COL19A1: variants seen among roughly 807,000 people sequenced by gnomAD.
COL19A1 encodes the protein collagen alpha-1(XIX) chain.
A neutral mutation model predicts 190.2 loss-of-function variants in COL19A1; 159 were observed. The observed-to-expected ratio is 0.84, with a 90% confidence interval of 0.73 to 0.95. The LOEUF is 0.95. Among genes scored for constraint, COL19A1 ranks in the 40% least tolerant of loss-of-function variants. The pLI is 0.00. For missense variants in COL19A1, 1,418 were observed against 1,431.9 expected (o/e 0.99, Z 0.16); for synonymous variants, 509 against 458.9 (o/e 1.11, Z -1.39).
intron 11 of COL19A1, among the ~76,000 whole-genome samples, chr6:70,009,809 C>T (rs915464488): frequency 1.5e-5 from 2 of 137,888 alleles, no homozygotes; most frequent in Non-Finnish European, 3.0e-5. Context: ...TGGCTTTCAA[C>T]AGGGGTACAA....
intron 14 of COL19A1, among the ~76,000 whole-genome samples, chr6:70,048,449 C>T (rs1007633661): frequency 1.3e-5 from 2 of 152,028 alleles, no homozygotes; most frequent in African/African-American, 4.8e-5. Flanking sequence ...CTGTGTTAAG[C>T]CCTGCAGACA....
chr6:70,184,851 T>C lies in COL19A1; in HGVS notation c.2812-20T>C. 6.2e-7 allele frequency: 1 copy of C among 1,612,344 alleles called. No individual in the cohort carries two copies. The highest frequency in any genetic ancestry group is 8.5e-7 in the Non-Finnish European group (1 of 1,179,296). ...AAATCTTGGCAAGGAGTGATTTTCA[T>C]GTTGACATCTGTTTTTCAGGGCATC... On this transcript the variant is annotated intron_variant, in intron 45 of 50. Coordinates refer to ENST00000620364, the MANE Select transcript of COL19A1 (RefSeq NM_001858.6).
At chr6:70,064,768 G>A (rs1468694155) in intron 14 of COL19A1, among the ~76,000 whole-genome samples, 6 of 152,078 alleles carry the variant, frequency 3.9e-5, no homozygotes, top group African/African-American at 1.4e-4. Context: ...CAAAGTCTCA[G>A]GATACAAAAT....
chr6:70,031,726 AT>A (rs1779085458), intron 12 of COL19A1, among the ~76,000 whole-genome samples: 1 of 152,122 alleles, frequency 6.6e-6, no homozygotes, highest in Non-Finnish European at 1.5e-5. Context: ...ACACAGAATG[AT>A]TCCATATCTT....
At chr6:69,884,625 G>A (rs1450138266) in intron 2 of COL19A1, among the ~76,000 whole-genome samples, 1 of 152,062 alleles carries the variant, frequency 6.6e-6, no homozygotes, top group Non-Finnish European at 1.5e-5. Flanking sequence ...CAATACAGAG[G>A]GGGAAAAGTT....
At chr6:69,907,536 A>T (rs907745461) in intron 4 of COL19A1, among the ~76,000 whole-genome samples, 11 of 152,198 alleles carry the variant, frequency 7.2e-5, no homozygotes, top group African/African-American at 2.4e-4. Context: ...TTACTTGTTC[A>T]TATTTAGGGA....
intron 15 of COL19A1, among the ~76,000 whole-genome samples, chr6:70,099,720 A>T (rs953453892): frequency 1.3e-5 from 2 of 152,196 alleles, no homozygotes; most frequent in Non-Finnish European, 2.9e-5. Context: ...TCAAGCCTAG[A>T]AACTACATTT....
At chr6:69,910,168 A>T (rs1169556799) in intron 4 of COL19A1, among the ~76,000 whole-genome samples, 3 of 152,174 alleles carry the variant, frequency 2.0e-5, no homozygotes, top group African/African-American at 7.2e-5. Flanking sequence ...TTCTTGTACT[A>T]GATCTTTTCA....
intron 11 of COL19A1, among the ~76,000 whole-genome samples, chr6:69,989,553 C>CTTTTTTT (rs3072698): frequency 0.052 from 6,500 of 125,956 alleles, 768 homozygotes; most frequent in African/African-American, 0.19. Context: ...GAGTTTTTTA[C>CTTTTTTT]TTTTTTTTTT....
intron 49 of COL19A1, among the ~76,000 whole-genome samples, chr6:70,205,782 C>T (rs763783357): frequency 6.6e-6 from 1 of 152,166 alleles, no homozygotes; most frequent in Non-Finnish European, 1.5e-5. Flanking sequence ...TCTTGTAGCT[C>T]AGCCAATAGC....
At chr6:69,913,892 C>T (rs975162798) in intron 4 of COL19A1, among the ~76,000 whole-genome samples, 56 of 151,792 alleles carry the variant, frequency 3.7e-4, no homozygotes, top group Non-Finnish European at 2.1e-4. Context: ...GTTGAGCTCT[C>T]GGACCCAAGG....
intron 11 of COL19A1, among the ~76,000 whole-genome samples, chr6:69,971,445 A>C (rs1356414168): frequency 2.6e-5 from 4 of 152,150 alleles, no homozygotes; most frequent in African/African-American, 9.7e-5. Context: ...AAAAACCCTC[A>C]CGAGAACTAG....
At chr6:69,930,659 A>G (rs1772698762) in intron 6 of COL19A1, among the ~76,000 whole-genome samples, 1 of 152,112 alleles carries the variant, frequency 6.6e-6, no homozygotes, top group East Asian at 1.9e-4. Context: ...TCTACTAAAA[A>G]TACAAAAAAT....
rs576016784 is a variant in COL19A1, at chr6:69,884,753, G to A, written c.91+5095G>A. Among the ~76,000 whole-genome samples, 109 of 152,208 alleles carry A rather than the reference G, an allele frequency of 7.2e-4. 1 individual carries two copies. The highest frequency in any genetic ancestry group is 2.5e-3 in the African/African-American group (105 of 41,538). The stretch of plus-strand genomic sequence containing the variant: ...CTCAGGATTCTAATTTTTGGAAGGA[G>A]AAGGGGTAAACATCTTTTTTAAAGT... On this transcript the variant is annotated intron_variant, in intron 2 of 50. Coordinates refer to ENST00000620364, the MANE Select transcript of COL19A1 (RefSeq NM_001858.6).
intron 14 of COL19A1, among the ~76,000 whole-genome samples, chr6:70,044,663 A>G (rs1779812637): frequency 6.6e-6 from 1 of 152,212 alleles, no homozygotes; most frequent in Non-Finnish European, 1.5e-5. Context: ...TCAGTGGAGC[A>G]GTCAGAACAT....
chr6:69,983,215 C>A (rs1776144579), intron 11 of COL19A1, among the ~76,000 whole-genome samples: 1 of 151,902 alleles, frequency 6.6e-6, no homozygotes, highest in African/African-American at 2.4e-5. Flanking sequence ...TTAATTTTCA[C>A]TGTAGAGTTC....
rs1159653790 is a variant in COL19A1, at chr6:70,019,979, T to C, written c.1027-3648T>C. On this transcript the variant is annotated intron_variant, in intron 11 of 50. Coordinates refer to ENST00000620364, the MANE Select transcript of COL19A1 (RefSeq NM_001858.6). ...TTGTGAATACATAGATATCAATACATATTTCCTTCCAGATATAGAACTCCT... is the reference window on the plus strand; with the variant it reads ...TTGTGAATACATAGATATCAATACACATTTCCTTCCAGATATAGAACTCCT... Among the ~76,000 whole-genome samples the C allele has an allele frequency of 2.6e-5, 4 of 152,126 alleles. No homozygotes were observed. The East Asian group carries it at 7.7e-4, about 29-fold the overall frequency.
chr6:69,907,860 T>C (rs892800958), intron 4 of COL19A1, among the ~76,000 whole-genome samples: 1 of 152,202 alleles, frequency 6.6e-6, no homozygotes, highest in African/African-American at 2.4e-5. Flanking sequence ...GGCCAGGCAC[T>C]TTGCTAGGTT....
chr6:70,022,232 C>A (rs1582703342), intron 11 of COL19A1, among the ~76,000 whole-genome samples: 1 of 152,254 alleles, frequency 6.6e-6, no homozygotes, highest in South Asian at 2.1e-4. Flanking sequence ...CTACTACTAA[C>A]TTCACAGACA....
Sources: allele counts gnomAD v4.1 joint callset (sites outside exome capture counted in the v4.1 genomes callset), GRCh38; gene constraint gnomAD v4.1.1; transcripts MANE v1.5; gene names NCBI Gene and HGNC (gene_info 2026-07-23, HGNC 2026-07-21).